Variants in IL23R observed in about 807,000 individuals in gnomAD.
IL23R encodes the protein interleukin-23 receptor.
A neutral mutation model predicts 56.9 loss-of-function variants in IL23R; 34 were observed. That is an observed-to-expected ratio of 0.60 (90% CI 0.45 to 0.80). The LOEUF is 0.80. Among genes scored for constraint, IL23R ranks in the 30% least tolerant of loss-of-function variants. IL23R has a pLI of 0.00. For synonymous variants in IL23R, 230 were observed against 249.2 expected, an observed-to-expected ratio of 0.92 and a Z score of 0.73; for missense variants, 635 against 730.0, an observed-to-expected ratio of 0.87 and a Z score of 1.50.
At position 67,169,453 on chromosome 1, in the gene IL23R, C is replaced by T. The variant is rs1466428054; in HGVS notation, c.182C>T (p.Pro61Leu). The change falls in exon 3 of 11, where the codon CCA (proline) becomes CTA (leucine). Residue 61 changes from proline to leucine, a missense_variant. Pro to Leu is a moderately conservative substitution (Grantham distance 98). Transcript: ENST00000347310. ...CAAGCAGCAATTAAGAACTGCCAAC[C>T]AAGGAAACTTCATTTTTATAAAAAT... Reference protein sequence around the residue: ...YCQAAIKNCQPRKLHFYKNGI... With the variant: ...YCQAAIKNCQLRKLHFYKNGI... 3 of 1,613,792 alleles carry T rather than the reference C, an allele frequency of 1.9e-6. No individual in the cohort carries two copies. In the South Asian group the frequency reaches 3.3e-5, roughly 18 times the overall value.
At chr1:67,238,222 C>T (rs1651610401) in intron 8 of IL23R, among the ~76,000 whole-genome samples, 1 of 151,744 alleles carries the variant, frequency 6.6e-6, no homozygotes, top group Non-Finnish European at 1.5e-5. Context: ...GTGTCATGTA[C>T]CTGTAGTCCC....
chr1:67,144,394 A>G (rs192401672), intron 1 of IL23R, among the ~76,000 whole-genome samples: 1 of 152,334 alleles, frequency 6.6e-6, no homozygotes, highest in African/African-American at 2.4e-5. Context: ...TTGTAAGAGA[A>G]GAGTTGTTTT....
intron 6 of IL23R, among the ~76,000 whole-genome samples, chr1:67,213,503 G>A (rs1262059570): frequency 1.3e-5 from 2 of 152,214 alleles, no homozygotes; most frequent in African/African-American, 2.4e-5. Flanking sequence ...AGGAGAATAT[G>A]TGCCACGCAG....
intron 3 of IL23R, 29 bp from the exon 4 acceptor site, chr1:67,182,807 C>T (rs923739333): frequency 6.2e-7 from 1 of 1,613,264 alleles, no homozygotes; most frequent in Non-Finnish European, 8.5e-7. Flanking sequence ...TTTCTTACAG[C>T]ACCTCCTAAG....
intron 5 of IL23R, among the ~76,000 whole-genome samples, chr1:67,205,825 C>T (rs925333673): frequency 6.6e-6 from 1 of 152,120 alleles, no homozygotes; most frequent in South Asian, 2.1e-4. Context: ...CCCTAATACA[C>T]AAGAGAAGGA....
chr1:67,140,823 C>T (rs1327352532), intron 1 of IL23R, among the ~76,000 whole-genome samples: 1 of 151,984 alleles, frequency 6.6e-6, no homozygotes, highest in Non-Finnish European at 1.5e-5. Flanking sequence ...TATTATGTGT[C>T]AACAATTGCA....
intron 7 of IL23R, among the ~76,000 whole-genome samples, chr1:67,233,929 CTG>C (rs57455484): frequency 0.28 from 38,704 of 138,308 alleles, 6,305 homozygotes; most frequent in East Asian, 0.77. Flanking sequence ...GTCATAAAGG[CTG>C]TGTGTGTGTG....
intron 7 of IL23R, among the ~76,000 whole-genome samples, chr1:67,228,041 TTC>T (rs374492649): frequency 0.035 from 1,952 of 55,614 alleles, 281 homozygotes; most frequent in Admixed American, 0.12. Flanking sequence ...TTTTCTTTCT[TTC>T]TCTTTCTTTC....
chr1:67,212,541 A>ACCT (rs562503566), intron 6 of IL23R, among the ~76,000 whole-genome samples: 1 of 82,674 alleles, frequency 1.2e-5, no homozygotes, highest in African/African-American at 4.8e-5. Flanking sequence ...TAGTCATGCA[A>ACCT]TCTTTTTTTT....
intron 4 of IL23R, among the ~76,000 whole-genome samples, chr1:67,197,055 A>G (rs1648208498): frequency 6.6e-6 from 1 of 152,256 alleles, no homozygotes; most frequent in Non-Finnish European, 1.5e-5. Context: ...GAGTGAGCCC[A>G]GAAAAAGGGG....
chr1:67,226,601 T>C lies in IL23R; in HGVS notation c.955+6871T>C, dbSNP rs558781520. Reference sequence around the variant, plus strand: ...TCTGGAACCTGGGGTCTGGAGTTTATGAGGGTACAGGATAGCGGGGCATAG... The same window carrying C: ...TCTGGAACCTGGGGTCTGGAGTTTACGAGGGTACAGGATAGCGGGGCATAG... On this transcript the variant is annotated intron_variant, in intron 7 of 10. Coordinates refer to ENST00000347310, the MANE Select transcript of IL23R (RefSeq NM_144701.3). Among the ~76,000 whole-genome samples, 13 of 152,318 alleles carry C rather than the reference T, an allele frequency of 8.5e-5. No individual in the cohort carries two copies. In the East Asian group the frequency reaches 2.5e-3, roughly 29 times the overall value.
intron 7 of IL23R, among the ~76,000 whole-genome samples, chr1:67,234,707 C>CT (rs5774860): frequency 0.39 from 45,744 of 116,924 alleles, 10,399 homozygotes; most frequent in Admixed American, 0.48. Context: ...TATTTTTACT[C>CT]TTTTTTTTTT....
intron 7 of IL23R, among the ~76,000 whole-genome samples, chr1:67,234,516 C>A (rs1651328932): frequency 6.6e-6 from 1 of 152,080 alleles, no homozygotes; most frequent in Non-Finnish European, 1.5e-5. Flanking sequence ...CCAATAACTA[C>A]CTGTAGTTTA....
chr1:67,202,435 G>A (rs946558391), intron 5 of IL23R, among the ~76,000 whole-genome samples: 1 of 152,042 alleles, frequency 6.6e-6, no homozygotes, highest in African/African-American at 2.4e-5. Flanking sequence ...ATGGGATTTT[G>A]CTATGTTGGC....
At chr1:67,229,620 C>T (rs1053578185) in intron 7 of IL23R, among the ~76,000 whole-genome samples, 1 of 152,194 alleles carries the variant, frequency 6.6e-6, no homozygotes, top group Non-Finnish European at 1.5e-5. Context: ...CTCTGAACAA[C>T]CCCCATCCTG....
chr1:67,170,921 T>C (rs1198505040), intron 3 of IL23R, among the ~76,000 whole-genome samples: 1 of 152,192 alleles, frequency 6.6e-6, no homozygotes, highest in East Asian at 1.9e-4. Context: ...GAAGGAACTA[T>C]AGAAAGTTGT....
At chr1:67,230,476 C>T (rs1651025143) in intron 7 of IL23R, among the ~76,000 whole-genome samples, 1 of 152,132 alleles carries the variant, frequency 6.6e-6, no homozygotes, top group African/African-American at 2.4e-5. Flanking sequence ...TGACATCAGA[C>T]CTTCTCTGTA....
At chr1:67,201,801 T>G (rs1244597519) in intron 5 of IL23R, among the ~76,000 whole-genome samples, 1 of 152,136 alleles carries the variant, frequency 6.6e-6, no homozygotes, top group Non-Finnish European at 1.5e-5. Flanking sequence ...TTTCAGATAT[T>G]TTATACCCTG....
Position 67,258,650 on chromosome 1 carries a change from A to G in IL23R, c.1412A>G (p.Asn471Ser), listed in dbSNP as rs758022455. 6.8e-6 allele frequency: 11 copies of G among 1,614,024 alleles called. No individual in the cohort carries two copies. The highest frequency in any genetic ancestry group is 3.3e-5 in the Admixed American group (2 of 59,982). The change falls in exon 11 of 11, where the codon AAT becomes AGT. Residue 471 changes from asparagine (N) to serine (S), a missense_variant. Transcript: ENST00000347310. ...TACCCGCAAAACTCGCTATTCGACAATACTACAGTTGTATATATTCCTGAT... is the reference window on the plus strand; with the variant it reads ...TACCCGCAAAACTCGCTATTCGACAGTACTACAGTTGTATATATTCCTGAT... ...RDYPQNSLFD[N>S]TTVVYIPDLN...
Sources: gnomAD v4.1 joint callset for allele counts (sites outside exome capture counted in the v4.1 genomes callset) on GRCh38, gnomAD v4.1.1 for gene constraint, MANE v1.5 for transcripts, NCBI Gene and HGNC (gene_info 2026-07-23, HGNC 2026-07-21) for gene names.